The following EPRS1 variants were observed in gnomAD, a reference collection of about 807,000 sequenced individuals.
EPRS1 encodes the protein bifunctional glutamate/proline--tRNA ligase.
In EPRS1, 107 loss-of-function variants were observed where a neutral mutation model predicts 188.3. The observed-to-expected ratio is 0.57, with a 90% confidence interval of 0.49 to 0.67. The LOEUF (loss-of-function observed/expected upper bound fraction) is 0.67, where lower values mean the gene tolerates loss of function less well. EPRS1 is among the 30% of genes least tolerant of loss of function. The pLI is 0.00. For missense variants in EPRS1, 1,577 were observed against 1,802.2 expected, an observed-to-expected ratio of 0.88 and a Z score of 2.26; for synonymous variants, 596 against 593.1, an observed-to-expected ratio of 1.00 and a Z score of -0.07.
At chr1:220,019,686 A>G (rs994964175) in intron 10 of EPRS1, among the ~76,000 whole-genome samples, 1 of 152,178 alleles carries the variant, frequency 6.6e-6, no homozygotes, top group African/African-American at 2.4e-5. Flanking sequence ...ATCAGTAACC[A>G]AATATACCAA....
intron 1 of EPRS1, among the ~76,000 whole-genome samples, chr1:220,044,703 A>AAAC (rs1459489141): frequency 5.7e-5 from 8 of 139,804 alleles, no homozygotes; most frequent in Admixed American, 2.9e-4. Flanking sequence ...AAAAAAAAAA[A>AAAC]AAAAAAAAAA....
At chr1:220,024,556 T>C (rs1188065921) in intron 7 of EPRS1, 100 bp from the exon 8 acceptor site, 1 of 734,744 alleles carries the variant, frequency 1.4e-6, no homozygotes. Flanking sequence ...ACATAGACCA[T>C]CAGTCTTATT....
chr1:219,978,968 T>A (rs201671988), intron 27 of EPRS1, among the ~76,000 whole-genome samples: 763 of 56,350 alleles, frequency 0.014, 5 homozygotes, highest in East Asian at 0.12. Flanking sequence ...ATATATATTT[T>A]TTTTTCCCCC....
rs374312819 is a variant in EPRS1, at chr1:220,006,144, C to G, written c.1912G>C (p.Asp638His). ...HLITKPVLGK[D>H]EDFKQYVNKN... ...TTGACATACTGCTTAAAGTCCTCGT[C>G]TTTTCCTAGCACTGGCTTTGTGATC... Residue 638 changes from aspartate (D) to histidine (H), a missense_variant, in exon 15 of 32, where the codon GAC becomes CAC. Physicochemically the swap from Asp to His is moderately conservative, Grantham distance 81. Transcript: ENST00000366923. 1.9e-5 allele frequency: 31 copies of G among 1,594,086 alleles called. No individual in the cohort carries two copies. The highest frequency in any genetic ancestry group is 2.6e-5 in the Non-Finnish European group (30 of 1,168,118).
At chr1:219,995,639 T>C (rs559044480) in intron 18 of EPRS1, among the ~76,000 whole-genome samples, 182 of 152,344 alleles carry the variant, frequency 1.2e-3, no homozygotes, top group African/African-American at 4.2e-3. Context: ...AAAGTAACTG[T>C]GGTTTTTGCC....
intron 17 of EPRS1, among the ~76,000 whole-genome samples, chr1:219,998,547 ATT>A (rs10638364): frequency 7.7e-5 from 11 of 142,970 alleles, no homozygotes; most frequent in African/African-American, 2.1e-4. Context: ...GTTCAGCTAC[ATT>A]TTTTTTTTTT....
chr1:220,041,167 C>CA (rs1255196805), intron 1 of EPRS1, among the ~76,000 whole-genome samples: 2 of 151,116 alleles, frequency 1.3e-5, no homozygotes, highest in South Asian at 4.2e-4. Flanking sequence ...CCCGTCTCTA[C>CA]AAAAAAATAC....
At chr1:220,012,054 T>C (rs186768610) in intron 12 of EPRS1, among the ~76,000 whole-genome samples, 17 of 152,276 alleles carry the variant, frequency 1.1e-4, no homozygotes, top group African/African-American at 3.6e-4. Flanking sequence ...AAAAGAATGA[T>C]ATCGTGGAAA....
At chr1:219,975,989 A>C (rs1261370903) in intron 28 of EPRS1, among the ~76,000 whole-genome samples, 1 of 152,156 alleles carries the variant, frequency 6.6e-6, no homozygotes, top group Non-Finnish European at 1.5e-5. Context: ...CTTCTTAGAG[A>C]TATGGCTAAT....
At chr1:220,041,111 G>A (rs1261148650) in intron 1 of EPRS1, among the ~76,000 whole-genome samples, 1 of 149,666 alleles carries the variant, frequency 6.7e-6, no homozygotes, top group Non-Finnish European at 1.5e-5. Context: ...TGGGAGGACT[G>A]CTTGAACCCA....
chr1:220,027,253 T>C (rs926786792), intron 6 of EPRS1, among the ~76,000 whole-genome samples: 1 of 151,826 alleles, frequency 6.6e-6, no homozygotes, highest in Non-Finnish European at 1.5e-5. Context: ...TGAAACCCCG[T>C]CTCTACTAAA....
At chr1:219,991,884 A>C (rs1298514587) in intron 18 of EPRS1, among the ~76,000 whole-genome samples, 1 of 152,224 alleles carries the variant, frequency 6.6e-6, no homozygotes, top group Non-Finnish European at 1.5e-5. Flanking sequence ...AGCTGATGTA[A>C]GTCTTGTGAA....
At chr1:220,007,644 G>A (rs1489392821) in intron 13 of EPRS1, among the ~76,000 whole-genome samples, 1 of 152,200 alleles carries the variant, frequency 6.6e-6, no homozygotes. Flanking sequence ...TAATGTTAAT[G>A]GAATTAGATG....
chr1:219,996,962 G>C (rs780873054), intron 18 of EPRS1, 21 bp downstream of exon 18: 1 of 1,545,898 alleles, frequency 6.5e-7, no homozygotes, highest in Non-Finnish European at 8.7e-7. Flanking sequence ...ATGTGGTCTT[G>C]ACTTTCTCTA....
At chr1:219,981,288 T>C (rs1278525516) in intron 24 of EPRS1, 90 bp downstream of exon 24, 1 of 768,276 alleles carries the variant, frequency 1.3e-6, no homozygotes, top group Non-Finnish European at 2.0e-6. Context: ...ATACTCCCAA[T>C]CCTTTGAAAA....
chr1:219,986,023 C>A (rs998683357), intron 20 of EPRS1, among the ~76,000 whole-genome samples: 2 of 152,200 alleles, frequency 1.3e-5, no homozygotes, highest in African/African-American at 2.4e-5. Flanking sequence ...CCTGCTATAA[C>A]TCTGGTTATT....
intron 13 of EPRS1, among the ~76,000 whole-genome samples, 170 bp downstream of exon 13, chr1:220,010,776 C>G (rs1280748845): frequency 2.0e-5 from 3 of 149,232 alleles, no homozygotes; most frequent in African/African-American, 7.5e-5. Flanking sequence ...CCCCACTGCA[C>G]TCCAGCCTGG....
chr1:220,040,403 T>C, intron 1 of EPRS1, 134 bp from the exon 2 acceptor site: 1 of 570,292 alleles, frequency 1.8e-6, no homozygotes, highest in Non-Finnish European at 3.1e-6. Flanking sequence ...CTCAGTAGTC[T>C]GTAGACAGAA....
At chr1:220,032,351 G>GTTT in intron 5 of EPRS1, 36 bp downstream of exon 5, 1 of 1,195,926 alleles carries the variant, frequency 8.4e-7, no homozygotes, top group Non-Finnish European at 1.1e-6. Context: ...CTCCCAAAGT[G>GTTT]TTTTTTTTTT....
Sources: allele counts gnomAD v4.1 joint callset (sites outside exome capture counted in the v4.1 genomes callset), GRCh38; gene constraint gnomAD v4.1.1; transcripts MANE v1.5; gene names NCBI Gene and HGNC (gene_info 2026-07-23, HGNC 2026-07-21).